The following TEX15 variants were observed in gnomAD, a reference collection of about 807,000 sequenced individuals.
TEX15 encodes the protein testis expressed 15, meiosis and synapsis associated, also known as testis-expressed protein 15.
In TEX15, 171 loss-of-function variants were observed where a neutral mutation model predicts 237.3. The observed-to-expected ratio is 0.72, with a 90% CI of 0.64 to 0.82. The LOEUF (loss-of-function observed/expected upper bound fraction) is 0.82. Ranked by LOEUF, TEX15 falls within the 40% of genes least tolerant of loss-of-function variation. The pLI, the probability that TEX15 is intolerant of heterozygous loss-of-function variation, is 0.00. For missense variants in TEX15, 3,750 were observed against 3,646.5 expected (o/e 1.03, Z -0.73); for synonymous variants, 1,338 against 1,269.8 (o/e 1.05, Z -1.14).
chr8:30,875,799 C>A (rs2128773425), intron 3 of TEX15, among the ~76,000 whole-genome samples: 1 of 151,554 alleles, frequency 6.6e-6, no homozygotes, highest in South Asian at 2.1e-4. Flanking sequence ...TTACTGTGGG[C>A]ATCTGGTCAA....
rs775175336 is a variant in TEX15 at position 30,845,535 on chromosome 8, T to C, written c.4632A>G (p.Ser1544=). ...TTCCAGAAAAGGGCTGATGTTCTTC[T>C]GATAAACTTGGATTGCTTACACTGC... The part of the protein sequence containing the change: ...YNSSVSNPSL[S]EEHQPFSGKT... Residue 1544 remains serine, a synonymous_variant, in exon 8 of 11, where the codon TCA becomes TCG. Transcript: ENST00000643185. 7 of 1,613,716 alleles carry C rather than the reference T, an allele frequency of 4.3e-6. No individual in the cohort carries two copies. Among genetic ancestry groups the C allele is most frequent in the Non-Finnish European group, 5.9e-6 (7 of 1,179,662 alleles).
At chr8:30,907,073 T>C (rs931324647) in intron 1 of TEX15, among the ~76,000 whole-genome samples, 6 of 152,206 alleles carry the variant, frequency 3.9e-5, no homozygotes, top group Non-Finnish European at 8.8e-5. Flanking sequence ...AAAGAGTTTA[T>C]AGACTTTCCT....
At position 30,843,833 on chromosome 8, in the gene TEX15, C is replaced by A; in HGVS notation, c.6334G>T (p.Glu2112Ter). ...LLWYDETLYA[E>*]LLGKPRGFQQ... ...AATCCACGTGGTTTTCCAAGAAGCT[C>A]AGCATACAGTGTTTCATCATACCAA... Residue 2112 changes from glutamate to a stop codon, truncating the protein, a stop_gained, in exon 8 of 11, where the codon GAG becomes TAG. Transcript: ENST00000643185. LOFTEE classifies it high-confidence loss of function. 1 of 1,612,798 alleles carries A rather than the reference C, an allele frequency of 6.2e-7. No individual in the cohort carries two copies. Among genetic ancestry groups the A allele is most frequent in the Non-Finnish European group, 8.5e-7 (1 of 1,179,400 alleles).
chr8:30,838,543 T>C (rs529376353), intron 9 of TEX15, among the ~76,000 whole-genome samples: 5 of 151,818 alleles, frequency 3.3e-5, no homozygotes, highest in South Asian at 2.1e-4. Flanking sequence ...TCTTTGAGAA[T>C]AGGAAAAGCA....
At chr8:30,887,384 A>G (rs1295466749) in intron 2 of TEX15, 73 bp from the exon 3 acceptor site, 6 of 1,262,988 alleles carry the variant, frequency 4.8e-6, no homozygotes, top group Non-Finnish European at 6.1e-6. Context: ...ACAATCATTT[A>G]AAAGTTCTTC....
Position 30,833,226 on chromosome 8 carries a change from T to C in TEX15, c.*60A>G, listed in dbSNP as rs962265474. On this transcript the variant is annotated 3_prime_UTR_variant, in exon 11 of 11. Transcript: ENST00000643185. ...AAATCGCTAAATGTTAAAAAATATATAAGTAAAAAATATTTGGAAAAACTT... is the reference window on the plus strand; with the variant it reads ...AAATCGCTAAATGTTAAAAAATATACAAGTAAAAAATATTTGGAAAAACTT... 8.6e-7 allele frequency: 1 copy of C among 1,160,500 alleles called. No homozygotes were observed. The highest frequency in any genetic ancestry group is 1.2e-6 in the Non-Finnish European group (1 of 815,594). The allele number at this position is 1,160,500 out of a possible 1,614,324, so 71.9% of individuals were successfully genotyped here.
intron 5 of TEX15, among the ~76,000 whole-genome samples, chr8:30,866,369 AGGAAGGGGAAGG>A (rs142387939): frequency 2.4e-4 from 36 of 147,744 alleles, no homozygotes; most frequent in African/African-American, 8.7e-4. Flanking sequence ...AAAGGGGAAG[AGGAAGGGGAAGG>A]GGAAGGGGAA....
intron 3 of TEX15, among the ~76,000 whole-genome samples, chr8:30,877,644 T>A (rs1364273885): frequency 1.3e-5 from 2 of 152,164 alleles, no homozygotes; most frequent in African/African-American, 4.8e-5. Flanking sequence ...TGTGGATGTA[T>A]AACTTTTTAT....
At chr8:30,880,595 T>C (rs1808498808) in intron 3 of TEX15, among the ~76,000 whole-genome samples, 1 of 150,658 alleles carries the variant, frequency 6.6e-6, no homozygotes, top group Admixed American at 6.6e-5. Flanking sequence ...TATTTTCTCT[T>C]CCTTATGATT....
chr8:30,864,882 T>C (rs1183847520), intron 5 of TEX15, among the ~76,000 whole-genome samples: 1 of 152,106 alleles, frequency 6.6e-6, no homozygotes, highest in African/African-American at 2.4e-5. Context: ...TAGGTTTTTT[T>C]CTTTGCAATT....
Position 30,846,431 on chromosome 8 carries a change from T to G in TEX15, c.3736A>C (p.Asn1246His), listed in dbSNP as rs772672559. 3.1e-6 allele frequency: 5 copies of G among 1,613,430 alleles called. No individual in the cohort carries two copies. The highest frequency in any genetic ancestry group is 2.5e-6 in the Non-Finnish European group (3 of 1,179,708). ...TCAGACGTATGATTCACATCTGTAT[T>G]ACGACTCAAGTCAAAAGAAAGGGAG... ...EISLSFDLSR[N>H]TDVNHTSENQ... Residue 1246 changes from asparagine (N) to histidine (H), a missense_variant, in exon 8 of 11, where the codon AAT becomes CAT. Asn to His is a moderately conservative substitution (Grantham distance 68, BLOSUM62 1). Transcript: ENST00000643185.
chr8:30,890,654 T>C lies in TEX15; in HGVS notation c.-9-3343A>G, dbSNP rs199969917. On this transcript the variant is annotated intron_variant, in intron 2 of 10. Transcript: ENST00000643185. ...CAAATAACACAGCTTGCCAGACTTC[T>C]ATGACTTCATAATCCTGATTTTCTT... 23 of 152,368 alleles carry C rather than the reference T, an allele frequency of 1.5e-4. No homozygotes were observed. In the East Asian group the frequency reaches 4.0e-3, roughly 27 times the overall value. The allele number at this position is 152,368 out of a possible 1,614,324, so 9.4% of individuals were successfully genotyped here. A position where few individuals can be genotyped will look rare whatever the true frequency, so the allele number is the denominator to read the frequency against.
chr8:30,855,154 T>A (rs1003065417), intron 7 of TEX15, among the ~76,000 whole-genome samples: 1 of 151,982 alleles, frequency 6.6e-6, no homozygotes, highest in Non-Finnish European at 1.5e-5. Flanking sequence ...AAAGTAAAAT[T>A]TTCTCTATTC....
rs190484225 is a variant in TEX15 at position 30,896,346 on chromosome 8, A to G, written c.-10+2396T>C. Among the ~76,000 whole-genome samples the G allele has an allele frequency of 6.9e-4, 105 of 152,168 alleles. 1 individual carries two copies. The highest frequency in any genetic ancestry group is 1.0e-3 in the Admixed American group (16 of 15,296). On this transcript the variant is annotated intron_variant, in intron 2 of 10. Coordinates refer to ENST00000643185, the MANE Select transcript of TEX15 (RefSeq NM_001350162.2). Reference sequence around the variant, plus strand: ...TTAGGACGTAGGCCATTTTTCATCTATTTTCACTCATCTTGTTTACTTTGC... The same window carrying G: ...TTAGGACGTAGGCCATTTTTCATCTGTTTTCACTCATCTTGTTTACTTTGC...
rs754012458 is a variant in TEX15, at chr8:30,845,733, A to G, written c.4434T>C (p.Tyr1478=). 9.9e-6 allele frequency: 16 copies of G among 1,613,524 alleles called. No individual in the cohort carries two copies. Among genetic ancestry groups the G allele is most frequent in the African/African-American group, 4.0e-5 (3 of 74,898 alleles). The change falls in exon 8 of 11, where the codon TAT becomes TAC. Residue 1478 remains tyrosine, a synonymous_variant. Coordinates refer to ENST00000643185, the MANE Select transcript of TEX15 (RefSeq NM_001350162.2). ...GGCATTTTTTCTCTCCACTTGTTTT[A>G]TAAGACTTGTGCTTTGACACATGGG... ...SLTHVSKHKS[Y]KTSGEKKCLS...
intron 3 of TEX15, among the ~76,000 whole-genome samples, chr8:30,886,603 C>T (rs952548688): frequency 2.6e-5 from 4 of 152,286 alleles, no homozygotes; most frequent in East Asian, 3.9e-4. Context: ...GAAAGGGGTA[C>T]CTTGTTCCTG....
intron 7 of TEX15, among the ~76,000 whole-genome samples, chr8:30,854,324 C>T (rs1056424692): frequency 2.1e-5 from 3 of 145,680 alleles, no homozygotes; most frequent in Middle Eastern, 3.3e-3. Context: ...GGGGACATTA[C>T]TACTAACAGA....
In TEX15 at chr8:30,842,050, TGA is replaced by T; in HGVS notation, c.8115_8116del (p.Gln2706GlyfsTer12). The T allele has an allele frequency of 6.2e-7, 1 of 1,609,782 alleles. No homozygotes were observed. Among genetic ancestry groups the T allele is most frequent in the Non-Finnish European group, 8.5e-7 (1 of 1,178,944 alleles). On this transcript the variant is annotated frameshift_variant, in exon 8 of 11. Coordinates refer to ENST00000643185, the MANE Select transcript of TEX15 (RefSeq NM_001350162.2). LOFTEE classifies it high-confidence loss of function. ...AACAGTAGTATCTTGCTGTTGTTCC[TGA>T]GAGTCTTCACATTTGTCTACAGTGC...
chr8:30,887,179 T>C lies in TEX15; in HGVS notation c.124A>G (p.Thr42Ala), dbSNP rs1808668718. 6.5e-7 allele frequency: 1 copy of C among 1,532,728 alleles called. No individual in the cohort carries two copies. Among genetic ancestry groups the C allele is most frequent in the Non-Finnish European group, 8.7e-7 (1 of 1,146,056 alleles). 94.9% of individuals were successfully genotyped at this position (1,532,728 alleles called of 1,614,324 possible). A position where few individuals can be genotyped will look rare whatever the true frequency, so the allele number is the denominator to read the frequency against. ...ACAGAAATATTACCTTTCTCAGCTG[T>C]CCTCCTGATCTTAGGAATGGTGAAT... ...KKFTIPKIRR[T>A]AEKVYLSPCY... Residue 42 changes from threonine (T) to alanine (A), a missense_variant, in exon 3 of 11, where the codon ACA becomes GCA. Transcript: ENST00000643185.
Sources: allele counts gnomAD v4.1 joint callset (sites outside exome capture counted in the v4.1 genomes callset), GRCh38; gene constraint gnomAD v4.1.1; transcripts MANE v1.5; gene names NCBI Gene and HGNC (gene_info 2026-07-23, HGNC 2026-07-21).